The following SUFU variants were observed in gnomAD, a reference collection of about 807,000 sequenced individuals.
SUFU encodes the protein SUFU negative regulator of hedgehog signaling.
In SUFU, 7 loss-of-function variants were observed where a neutral mutation model predicts 58.9. The observed-to-expected ratio is 0.12, with a 90% CI of 0.07 to 0.22. SUFU has a LOEUF of 0.22. Ranked by LOEUF, SUFU falls within the 10% of genes least tolerant of loss-of-function variation. The probability of loss-of-function intolerance (pLI) is 1.00; values close to 1 mark genes in which losing one functional copy is unlikely to be tolerated. For synonymous variants in SUFU, 232 were observed against 254.8 expected, an observed-to-expected ratio of 0.91 and a Z score of 0.85; for missense variants, 451 against 641.3, an observed-to-expected ratio of 0.70 and a Z score of 3.20.
At chr10:102,555,285 A>C (rs2062963514) in intron 3 of SUFU, among the ~76,000 whole-genome samples, 1 of 151,526 alleles carries the variant, frequency 6.6e-6, no homozygotes, top group Non-Finnish European at 1.5e-5. Context: ...AAAAAAAAAA[A>C]AAAAACTTTA....
At chr10:102,609,299 A>G (rs1187223588) in intron 8 of SUFU, among the ~76,000 whole-genome samples, 1 of 152,208 alleles carries the variant, frequency 6.6e-6, no homozygotes, top group East Asian at 1.9e-4. Flanking sequence ...GTCTCTTATT[A>G]TTGTGAATAG....
chr10:102,583,530 A>G (rs1404148197), intron 3 of SUFU, among the ~76,000 whole-genome samples: 1 of 152,130 alleles, frequency 6.6e-6, no homozygotes, highest in Admixed American at 6.5e-5. Context: ...AAGCCTGCAC[A>G]AAGTGCTTTT....
At chr10:102,582,354 A>G (rs1374350984) in intron 3 of SUFU, among the ~76,000 whole-genome samples, 1 of 152,204 alleles carries the variant, frequency 6.6e-6, no homozygotes, top group African/African-American at 2.4e-5. Flanking sequence ...CAAGGAATGT[A>G]TTTGCTTCTA....
intron 2 of SUFU, among the ~76,000 whole-genome samples, chr10:102,515,015 C>T (rs1040876339): frequency 1.3e-5 from 2 of 152,212 alleles, no homozygotes; most frequent in Non-Finnish European, 2.9e-5. Context: ...CATGGGTGAT[C>T]TAGGCTCTGT....
At position 102,597,211 on chromosome 10, in the gene SUFU, T is replaced by C. The variant is rs373720437; in HGVS notation, c.828T>C (p.Asp276=). The C allele has an allele frequency of 2.5e-6, 4 of 1,613,768 alleles. No homozygotes were observed. The African/African-American group carries it at 4.0e-5, about 16-fold the overall frequency. ...GTGTCAGTGCCAAGTGTGCCTGGGA[T>C]GACCTGAGCCGGCCCCCCGAGGATG... ...LSGVSAKCAW[D]DLSRPPEDDE... is the part of the protein sequence containing the mutation. The change falls in exon 7 of 12, where the codon GAT becomes GAC. Residue 276 remains aspartate, a synonymous_variant. Transcript: ENST00000369902.
intron 3 of SUFU, among the ~76,000 whole-genome samples, chr10:102,578,686 G>A (rs1228903880): frequency 6.3e-5 from 9 of 143,676 alleles, no homozygotes; most frequent in African/African-American, 1.0e-4. Context: ...CCAGCCTGGC[G>A]ACAGAGCAAG....
chr10:102,573,228 T>G (rs1255360622), intron 3 of SUFU: 7 of 713,806 alleles, frequency 9.8e-6, no homozygotes, highest in Non-Finnish European at 1.8e-5. Context: ...GGCACCGTCT[T>G]GTGAAAAGGG....
chr10:102,593,907 TG>T, intron 5 of SUFU, 85 bp from the exon 6 acceptor site: 1 of 1,522,748 alleles, frequency 6.6e-7, no homozygotes, highest in Non-Finnish European at 9.1e-7. Context: ...GTCCTAGGCC[TG>T]GGGCAGCAAA....
intron 3 of SUFU, among the ~76,000 whole-genome samples, chr10:102,590,138 T>C (rs547543467): frequency 1.5e-3 from 219 of 142,804 alleles, no homozygotes; most frequent in African/African-American, 5.5e-3. Context: ...CCCCCGACTT[T>C]TTCTTTTTTT....
intron 2 of SUFU, among the ~76,000 whole-genome samples, chr10:102,533,444 T>C (rs896951932): frequency 6.6e-6 from 1 of 151,408 alleles, no homozygotes; most frequent in Non-Finnish European, 1.5e-5. Context: ...CATGGTGGCC[T>C]GTGCTTGTGG....
At chr10:102,572,894 C>A in intron 3 of SUFU, 1 of 823,350 alleles carries the variant, frequency 1.2e-6, no homozygotes, top group Non-Finnish European at 2.1e-6. Flanking sequence ...TTCTTCACAG[C>A]CTATTTGATC....
Position 102,568,874 on chromosome 10 carries a change from C to CAAAA in SUFU, c.454+18789_454+18792dup, listed in dbSNP as rs59877393. Among the ~76,000 whole-genome samples, 45 of 14,528 alleles carry CAAAA rather than the reference C, an allele frequency of 3.1e-3. 3 individuals are homozygous for CAAAA. The highest frequency in any genetic ancestry group is 3.9e-3 in the Non-Finnish European group (34 of 8,790). 9.5% of individuals were successfully genotyped at this position (14,528 alleles called of 152,430 possible). A position where few individuals can be genotyped will look rare whatever the true frequency, so the allele number is the denominator to read the frequency against. On this transcript the variant is annotated intron_variant, in intron 3 of 11. Transcript: ENST00000369902. ...GGGCGACAAGAGCAAAACTCTGTCT[C>CAAAA]AAAAAAAAAAAAAAAAAAAAAAAAT...
intron 3 of SUFU, among the ~76,000 whole-genome samples, chr10:102,581,563 G>T (rs1299398636): frequency 6.6e-6 from 1 of 152,218 alleles, no homozygotes; most frequent in Non-Finnish European, 1.5e-5. Flanking sequence ...CAGCTCCGCT[G>T]CGCAGTCCAC....
At chr10:102,577,692 T>C (rs2063226917) in intron 3 of SUFU, among the ~76,000 whole-genome samples, 1 of 151,086 alleles carries the variant, frequency 6.6e-6, no homozygotes, top group Middle Eastern at 3.4e-3. Flanking sequence ...GTTTTTTTTT[T>C]TTTTTTGAGA....
intron 3 of SUFU, among the ~76,000 whole-genome samples, chr10:102,585,550 A>G (rs1430793028): frequency 6.6e-6 from 1 of 152,098 alleles, no homozygotes; most frequent in Non-Finnish European, 1.5e-5. Flanking sequence ...TCTGTCATCC[A>G]GGCTGGAATA....
intron 2 of SUFU, among the ~76,000 whole-genome samples, chr10:102,515,680 G>A (rs2062460432): frequency 6.6e-6 from 1 of 152,102 alleles, no homozygotes; most frequent in Admixed American, 6.6e-5. Context: ...CATCTGTACT[G>A]GGAGCTTGGT....
intron 1 of SUFU, among the ~76,000 whole-genome samples, chr10:102,508,847 A>G (rs2062362758): frequency 6.6e-6 from 1 of 152,152 alleles, no homozygotes; most frequent in African/African-American, 2.4e-5. Flanking sequence ...CACAGAAGAG[A>G]GACAATCCCT....
intron 3 of SUFU, among the ~76,000 whole-genome samples, chr10:102,558,394 A>G (rs974188922): frequency 1.3e-5 from 2 of 152,172 alleles, no homozygotes; most frequent in Non-Finnish European, 2.9e-5. Context: ...AACTTTTTGT[A>G]GAGACAGGGT....
chr10:102,521,208 C>A (rs1326169600), intron 2 of SUFU, among the ~76,000 whole-genome samples: 1 of 152,152 alleles, frequency 6.6e-6, no homozygotes, highest in Non-Finnish European at 1.5e-5. Flanking sequence ...ATTTGCAGTT[C>A]TCTCATGACA....
Sources: gnomAD v4.1 joint callset for allele counts (sites outside exome capture counted in the v4.1 genomes callset) on GRCh38, gnomAD v4.1.1 for gene constraint, MANE v1.5 for transcripts, NCBI Gene and HGNC (gene_info 2026-07-23, HGNC 2026-07-21) for gene names.